The following MTUS2 variants were observed in gnomAD, a reference collection of about 807,000 sequenced individuals.
The protein encoded by MTUS2 is microtubule associated scaffold protein 2.
Under a neutral mutation model 114.1 loss-of-function variants are expected in MTUS2, and 40 were observed. The ratio of observed to expected loss-of-function variants is 0.35; its 90% CI spans 0.27 to 0.46. The LOEUF (loss-of-function observed/expected upper bound fraction) is 0.46, where lower values mean the gene tolerates loss of function less well. Among genes scored for constraint, MTUS2 ranks in the 20% least tolerant of loss-of-function variants. MTUS2 has a pLI of 1.00. For missense variants in MTUS2, 1,679 were observed against 1,705.4 expected (o/e 0.98, Z 0.27); for synonymous variants, 688 against 672.0 (o/e 1.02, Z -0.37).
In MTUS2 at chr13:29,503,307, C is replaced by T. The variant is rs1420132119; in HGVS notation, c.*101C>T. ...CGCCGGAGCTGGCCCTGTGCGCATG[C>T]TCAGTAGCTGCGAATGCATCCTAGG... On this transcript the variant is annotated 3_prime_UTR_variant, in exon 16 of 16. Coordinates refer to ENST00000612955, the MANE Select transcript of MTUS2 (RefSeq NM_001033602.4). 4 of 1,346,548 alleles carry T rather than the reference C, an allele frequency of 3.0e-6. No homozygotes were observed. Among genetic ancestry groups the T allele is most frequent in the Non-Finnish European group, 3.1e-6 (3 of 968,676 alleles). 83.4% of individuals were successfully genotyped at this position (1,346,548 alleles called of 1,614,324 possible). A position where few individuals can be genotyped will look rare whatever the true frequency, so the allele number is the denominator to read the frequency against.
intron 5 of MTUS2, among the ~76,000 whole-genome samples, chr13:29,263,933 AT>A (rs1897571330): frequency 1.3e-5 from 2 of 152,168 alleles, no homozygotes; most frequent in Non-Finnish European, 1.5e-5. Context: ...AAATATAATT[AT>A]CCCCTGCACA....
chr13:28,879,055 T>C (rs921083903), intron 2 of MTUS2, among the ~76,000 whole-genome samples: 1 of 152,258 alleles, frequency 6.6e-6, no homozygotes, highest in Non-Finnish European at 1.5e-5. Context: ...GTTGTGGTTT[T>C]GATTTGCATT....
intron 5 of MTUS2, among the ~76,000 whole-genome samples, chr13:29,252,625 C>T (rs923413343): frequency 3.3e-5 from 5 of 152,048 alleles, no homozygotes; most frequent in Non-Finnish European, 2.9e-5. Context: ...TTTTGGCTCC[C>T]GTAATTCCCA....
At chr13:29,339,199 TG>T (rs1310003490) in intron 7 of MTUS2, among the ~76,000 whole-genome samples, 1 of 152,124 alleles carries the variant, frequency 6.6e-6, no homozygotes, top group Non-Finnish European at 1.5e-5. Flanking sequence ...GCTCTTCAAC[TG>T]GGCTGTGGCC....
rs374347733 is a variant in MTUS2, at chr13:29,286,910, C to T, written c.2806+5045C>T. On this transcript the variant is annotated intron_variant, in intron 6 of 15. Coordinates refer to ENST00000612955, the MANE Select transcript of MTUS2 (RefSeq NM_001033602.4). Reference sequence around the variant, plus strand: ...TTCATCATGTTAGCTAGGCTGGTCTCGAACTGATCTCAGGTGATCTGCCCG... The same window carrying T: ...TTCATCATGTTAGCTAGGCTGGTCTTGAACTGATCTCAGGTGATCTGCCCG... Among the ~76,000 whole-genome samples, 4 of 152,218 alleles carry T rather than the reference C, an allele frequency of 2.6e-5. No homozygotes were observed. In the South Asian group the frequency reaches 8.3e-4, roughly 32 times the overall value.
At chr13:28,939,524 A>G (rs1566237927) in intron 2 of MTUS2, among the ~76,000 whole-genome samples, 1 of 152,210 alleles carries the variant, frequency 6.6e-6, no homozygotes, top group African/African-American at 2.4e-5. Flanking sequence ...AAGCATCAAC[A>G]AAACAGTTTC....
intron 9 of MTUS2, among the ~76,000 whole-genome samples, chr13:29,451,175 A>G (rs552670911): frequency 1.3e-5 from 2 of 152,366 alleles, no homozygotes; most frequent in African/African-American, 4.8e-5. Flanking sequence ...TTGGCAACAC[A>G]GACCATATTC....
intron 8 of MTUS2, among the ~76,000 whole-genome samples, chr13:29,376,013 GTA>G (rs374488782): frequency 0.17 from 18,321 of 110,798 alleles, 1,327 homozygotes; most frequent in African/African-American, 0.24. Context: ...GTGTGTGTGT[GTA>G]TGTATGTGTG....
rs554345472 is a variant in MTUS2 at position 29,321,734 on chromosome 13, G to T, written c.2807-2879G>T. ...TACAAAATATGGAACTAATGCAGAA[G>T]CATATTAAAATAAAAAGTAAAAGCT... On this transcript the variant is annotated intron_variant, in intron 6 of 15. Coordinates refer to ENST00000612955, the MANE Select transcript of MTUS2 (RefSeq NM_001033602.4). 7.6e-4 allele frequency among the ~76,000 whole-genome samples: 116 copies of T among 152,234 alleles called. 1 individual carries two copies. The highest frequency in any genetic ancestry group is 3.4e-3 in the Middle Eastern group (1 of 292).
chr13:28,909,974 A>T (rs905732451), intron 2 of MTUS2, among the ~76,000 whole-genome samples: 12 of 152,224 alleles, frequency 7.9e-5, no homozygotes, highest in African/African-American at 2.4e-4. Context: ...TGCAGTGCAT[A>T]ATAATCACAT....
chr13:29,072,231 T>A (rs1297912434), intron 4 of MTUS2: 1 of 152,208 alleles, frequency 6.6e-6, no homozygotes, highest in Non-Finnish European at 1.5e-5. Flanking sequence ...GAGTGCTTAA[T>A]AGAAAGCACT....
chr13:29,080,248 A>G (rs561719342), intron 4 of MTUS2, among the ~76,000 whole-genome samples: 49 of 152,326 alleles, frequency 3.2e-4, no homozygotes, highest in Non-Finnish European at 5.1e-4. Flanking sequence ...GTGGAATATT[A>G]TAGAGTGGCC....
rs752607421 is a variant in MTUS2 at position 29,359,418 on chromosome 13, G to A, written c.3062G>A (p.Arg1021Lys). 8.7e-6 allele frequency: 14 copies of A among 1,613,510 alleles called. No homozygotes were observed. The highest frequency in any genetic ancestry group is 1.1e-5 in the Non-Finnish European group (13 of 1,179,772). ...QLGVAQGELK[R>K]AICGFDALAV... Reference sequence around the variant, plus strand: ...GGCGTTGCGCAAGGGGAGCTGAAGAGGGCCATCTGCGGCTTTGATGCCCTC... The same window carrying A: ...GGCGTTGCGCAAGGGGAGCTGAAGAAGGCCATCTGCGGCTTTGATGCCCTC... Residue 1021 changes from arginine (R) to lysine (K), a missense_variant, in exon 8 of 16, where the codon AGG becomes AAG. Arg to Lys is a conservative substitution (Grantham distance 26). Transcript: ENST00000612955.
intron 4 of MTUS2, among the ~76,000 whole-genome samples, chr13:29,092,294 CT>C (rs1374807733): frequency 1.3e-5 from 2 of 152,194 alleles, no homozygotes; most frequent in African/African-American, 4.8e-5. Context: ...TTTTTTTACA[CT>C]GTCATGCCCA....
chr13:29,337,836 T>C (rs1460051652), intron 7 of MTUS2, among the ~76,000 whole-genome samples: 2 of 151,196 alleles, frequency 1.3e-5, no homozygotes, highest in African/African-American at 4.9e-5. Flanking sequence ...TTGCCTGGGC[T>C]GGAGTACATT....
At chr13:28,832,516 T>G (rs939087957) in intron 1 of MTUS2, among the ~76,000 whole-genome samples, 22 of 151,770 alleles carry the variant, frequency 1.4e-4, no homozygotes, top group African/African-American at 5.3e-4. Context: ...AGGGATTTTT[T>G]TTTTAGCTGT....
At chr13:28,927,163 A>T (rs1004504502) in intron 2 of MTUS2, among the ~76,000 whole-genome samples, 12 of 152,220 alleles carry the variant, frequency 7.9e-5, no homozygotes, top group Admixed American at 2.6e-4. Context: ...TGGTTGATGT[A>T]AATAGAAACA....
intron 5 of MTUS2, among the ~76,000 whole-genome samples, chr13:29,279,762 C>T (rs1203627104): frequency 1.3e-5 from 2 of 152,164 alleles, no homozygotes; most frequent in Non-Finnish European, 2.9e-5. Flanking sequence ...ACTTCCCAGC[C>T]TGGAGAGCAG....
intron 12 of MTUS2, among the ~76,000 whole-genome samples, chr13:29,495,785 C>G (rs1005012396): frequency 6.6e-6 from 1 of 152,044 alleles, no homozygotes; most frequent in African/African-American, 2.4e-5. Context: ...ATGGGAGGAT[C>G]ACTTGAGTCT....
Sources: gnomAD v4.1 joint callset for allele counts (sites outside exome capture counted in the v4.1 genomes callset) on GRCh38, gnomAD v4.1.1 for gene constraint, MANE v1.5 for transcripts, NCBI Gene and HGNC (gene_info 2026-07-23, HGNC 2026-07-21) for gene names.